ARHGEF12: variants seen among roughly 807,000 people sequenced by gnomAD.
ARHGEF12 encodes the protein Rho guanine nucleotide exchange factor 12, also known as KMT2A/ARHGEF12 fusion protein.
In ARHGEF12, 66 loss-of-function variants were observed where a neutral mutation model predicts 211.2. That is an observed-to-expected ratio of 0.31 (90% CI 0.26 to 0.38). The LOEUF (loss-of-function observed/expected upper bound fraction) is 0.38, where lower values mean the gene tolerates loss of function less well. Ranked by LOEUF, ARHGEF12 falls within the 10% of genes least tolerant of loss-of-function variation. The pLI is 1.00. For missense variants in ARHGEF12, 1,429 were observed against 1,869.5 expected (o/e 0.76, Z 4.34); for synonymous variants, 592 against 638.4 (o/e 0.93, Z 1.09).
At chr11:120,357,082 T>C (rs1024632872) in intron 1 of ARHGEF12, among the ~76,000 whole-genome samples, 1 of 152,074 alleles carries the variant, frequency 6.6e-6, no homozygotes, top group Non-Finnish European at 1.5e-5. Context: ...TGGAGTGCAG[T>C]GGCGTGATCT....
At chr11:120,369,125 C>CTT (rs1183494101) in intron 1 of ARHGEF12, among the ~76,000 whole-genome samples, 29 of 127,296 alleles carry the variant, frequency 2.3e-4, no homozygotes, top group African/African-American at 4.9e-4. Context: ...TTCTTTTCTT[C>CTT]TTTTTTTTTT....
At chr11:120,410,441 G>A (rs1239935111) in intron 4 of ARHGEF12, 1 of 151,940 alleles carries the variant, frequency 6.6e-6, no homozygotes, top group Non-Finnish European at 1.5e-5. Context: ...AGGGAAATCA[G>A]GTCATCTTTA....
At chr11:120,457,847 C>T (rs779195287) in intron 24 of ARHGEF12, 91 bp downstream of exon 24, 2 of 1,346,446 alleles carry the variant, frequency 1.5e-6, no homozygotes, top group African/African-American at 1.5e-5. Flanking sequence ...GGAAAAGAAA[C>T]CCTGTATACC....
chr11:120,446,720 G>T (rs1229055969), intron 17 of ARHGEF12, among the ~76,000 whole-genome samples: 2 of 152,174 alleles, frequency 1.3e-5, no homozygotes, highest in Non-Finnish European at 2.9e-5. Context: ...TCTGAGCTCA[G>T]TGCTGTGTCT....
chr11:120,385,457 G>A (rs1183435569), intron 1 of ARHGEF12: 1 of 985,190 alleles, frequency 1.0e-6, no homozygotes, highest in African/African-American at 1.7e-5. Context: ...TTGAGCTTTT[G>A]CTTGTCTGCT....
chr11:120,378,364 T>C (rs1943788915), intron 1 of ARHGEF12, among the ~76,000 whole-genome samples: 1 of 152,220 alleles, frequency 6.6e-6, no homozygotes, highest in Admixed American at 6.5e-5. Context: ...CTTTGTCTTA[T>C]TGAGAGGTAA....
At chr11:120,354,937 T>C (rs527307733) in intron 1 of ARHGEF12, among the ~76,000 whole-genome samples, 1 of 152,326 alleles carries the variant, frequency 6.6e-6, no homozygotes, top group Admixed American at 6.5e-5. Flanking sequence ...TTTCCCATGC[T>C]TGCAGCCTCC....
chr11:120,368,872 C>T (rs1489520572), intron 1 of ARHGEF12, among the ~76,000 whole-genome samples: 19 of 151,728 alleles, frequency 1.3e-4, no homozygotes, highest in Admixed American at 1.2e-3. Context: ...TTTTTCTGCC[C>T]CCTCCCTCCT....
At chr11:120,415,182 TTTAA>T (rs1944994101) in intron 4 of ARHGEF12, among the ~76,000 whole-genome samples, 1 of 152,344 alleles carries the variant, frequency 6.6e-6, no homozygotes, top group Admixed American at 6.5e-5. Context: ...TGGGTTTTTT[TTTAA>T]TTAATGAAAT....
Position 120,407,762 on chromosome 11 carries a change from G to A in ARHGEF12, c.81G>A (p.Glu27=). The A allele has an allele frequency of 1.2e-6, 2 of 1,613,402 alleles. No individual in the cohort carries two copies. Among genetic ancestry groups the A allele is most frequent in the Non-Finnish European group, 1.7e-6 (2 of 1,179,692 alleles). ...PIRHGSILNR[E]SPTDKKQKVE... ...GGCATGGAAGTATTTTGAACCGAGAGTCACCAACAGATAAGAAGCAGAAAG... is the reference window on the plus strand; with the variant it reads ...GGCATGGAAGTATTTTGAACCGAGAATCACCAACAGATAAGAAGCAGAAAG... Residue 27 remains glutamate, a synonymous_variant, in exon 3 of 41, where the codon GAG becomes GAA. Coordinates refer to ENST00000397843, the MANE Select transcript of ARHGEF12 (RefSeq NM_015313.3).
At chr11:120,365,541 G>C (rs1023670598) in intron 1 of ARHGEF12, 2 of 152,116 alleles carry the variant, frequency 1.3e-5, no homozygotes, top group Admixed American at 6.5e-5. Flanking sequence ...TTCTTATTTG[G>C]GGAATGTTTA....
intron 1 of ARHGEF12, among the ~76,000 whole-genome samples, chr11:120,392,797 C>T (rs1361543486): frequency 4.6e-5 from 7 of 152,196 alleles, no homozygotes; most frequent in East Asian, 3.8e-4. Context: ...AGTTTCACAT[C>T]ATTCTCTCAA....
intron 27 of ARHGEF12, chr11:120,464,827 G>C (rs1183999769): frequency 6.3e-6 from 1 of 159,074 alleles, no homozygotes; most frequent in Non-Finnish European, 1.4e-5. Flanking sequence ...GGCCAACATG[G>C]TGAAACCCCA....
At chr11:120,478,073 TTCTGA>T in intron 36 of ARHGEF12, 78 bp from the exon 37 acceptor site, 1 of 905,816 alleles carries the variant, frequency 1.1e-6, no homozygotes, top group Non-Finnish European at 1.6e-6. Flanking sequence ...TTTTTTTTTT[TTCTGA>T]TTCTTCCCTG....
intron 1 of ARHGEF12, among the ~76,000 whole-genome samples, chr11:120,359,739 T>G (rs1328936996): frequency 2.0e-5 from 3 of 152,142 alleles, no homozygotes; most frequent in Non-Finnish European, 4.4e-5. Context: ...ATATAGTATC[T>G]TGGGTCACAT....
chr11:120,473,017 A>G lies in ARHGEF12; in HGVS notation c.2956-33A>G, dbSNP rs1357492614. 1.9e-6 allele frequency: 3 copies of G among 1,594,430 alleles called. No homozygotes were observed. The Admixed American group carries it at 5.0e-5, about 27-fold the overall frequency. On this transcript the variant is annotated intron_variant, in intron 30 of 40. Transcript: ENST00000397843. ...TAGAGAGGTCATTAATGACCAAAGC[A>G]CTAACCTTGGTTCCACCCTGCCTAA...
chr11:120,448,250 G>C lies in ARHGEF12; in HGVS notation c.1639G>C (p.Val547Leu), dbSNP rs1219993115. The change falls in exon 20 of 41, where the codon GTT (valine) becomes CTT (leucine). Residue 547 changes from valine (V) to leucine (L), a missense_variant. Transcript: ENST00000397843. ...CTCCTCCAGCTCCACCATGCAGTAT[G>C]TTATTCTCATGTATATGAAGCATTT... is the stretch of plus-strand genomic sequence containing the variant. Reference protein sequence around the residue: ...EEDKSSTMQYVILMYMKHLGV... With the variant: ...EEDKSSTMQYLILMYMKHLGV... 1.9e-6 allele frequency: 3 copies of C among 1,613,666 alleles called. No homozygotes were observed. Among genetic ancestry groups the C allele is most frequent in the Non-Finnish European group, 1.7e-6 (2 of 1,179,668 alleles).
intron 4 of ARHGEF12, chr11:120,411,705 TAA>T (rs1944887976): frequency 6.9e-6 from 1 of 145,738 alleles, no homozygotes; most frequent in African/African-American, 2.5e-5. Flanking sequence ...TCCTCCTACC[TAA>T]GACTCCAAAG....
chr11:120,471,182 T>A (rs1946853547), intron 30 of ARHGEF12, among the ~76,000 whole-genome samples: 1 of 152,122 alleles, frequency 6.6e-6, no homozygotes, highest in African/African-American at 2.4e-5. Flanking sequence ...GCAACTTTAT[T>A]CATAATAGCG....
Sources: gnomAD v4.1 joint callset for allele counts (sites outside exome capture counted in the v4.1 genomes callset) on GRCh38, gnomAD v4.1.1 for gene constraint, MANE v1.5 for transcripts, NCBI Gene and HGNC (gene_info 2026-07-23, HGNC 2026-07-21) for gene names.